Variants in ITSN1 observed in about 807,000 individuals in gnomAD.
ITSN1 encodes intersectin-1.
A neutral mutation model predicts 239.8 loss-of-function variants in ITSN1; 58 were observed. The ratio of observed to expected loss-of-function variants is 0.24; its 90% CI spans 0.20 to 0.30. The LOEUF (loss-of-function observed/expected upper bound fraction) is 0.30. Ranked by LOEUF, ITSN1 falls within the 10% of genes least tolerant of loss-of-function variation. ITSN1 has a pLI of 1.00. For missense variants in ITSN1, 1,558 were observed against 2,103.3 expected, an observed-to-expected ratio of 0.74 and a Z score of 5.07; for synonymous variants, 780 against 770.8, an observed-to-expected ratio of 1.01 and a Z score of -0.20.
At chr21:33,728,913 T>C (rs1362401639) in intron 4 of ITSN1, among the ~76,000 whole-genome samples, 1 of 151,932 alleles carries the variant, frequency 6.6e-6, no homozygotes, top group Admixed American at 6.6e-5. Context: ...GGTTTTTGAA[T>C]GAATGAGAAT....
At chr21:33,808,111 C>T (rs1479442723) in intron 20 of ITSN1, among the ~76,000 whole-genome samples, 9 of 151,304 alleles carry the variant, frequency 5.9e-5, no homozygotes, top group Non-Finnish European at 1.2e-4. Flanking sequence ...GGCATGAACC[C>T]GGGAAGCGGA....
intron 1 of ITSN1, among the ~76,000 whole-genome samples, chr21:33,669,449 T>A (rs918080518): frequency 6.6e-6 from 1 of 150,546 alleles, no homozygotes; most frequent in Admixed American, 6.6e-5. Flanking sequence ...TAAGTTTTTT[T>A]TTTTTTTTGA....
chr21:33,796,171 T>G (rs2071547063), intron 17 of ITSN1, among the ~76,000 whole-genome samples: 1 of 151,868 alleles, frequency 6.6e-6, no homozygotes, highest in Non-Finnish European at 1.5e-5. Flanking sequence ...ACCATGTTGG[T>G]CTAGAACTCC....
chr21:33,665,684 C>A (rs2089885587), intron 1 of ITSN1, among the ~76,000 whole-genome samples: 1 of 152,164 alleles, frequency 6.6e-6, no homozygotes, highest in Non-Finnish European at 1.5e-5. Context: ...ACATAATATT[C>A]ATAGCAGCAT....
At chr21:33,845,270 C>T (rs1204438452) in intron 29 of ITSN1, among the ~76,000 whole-genome samples, 1 of 151,824 alleles carries the variant, frequency 6.6e-6, no homozygotes, top group Non-Finnish European at 1.5e-5. Flanking sequence ...GCGGGGGAGG[C>T]ACGTCCAAAG....
At chr21:33,748,494 A>G (rs1017130285) in intron 5 of ITSN1, among the ~76,000 whole-genome samples, 2 of 152,060 alleles carry the variant, frequency 1.3e-5, no homozygotes, top group African/African-American at 2.4e-5. Flanking sequence ...TTATTATGTA[A>G]TAATACTCTT....
chr21:33,826,606 C>G (rs1199526451), intron 25 of ITSN1, among the ~76,000 whole-genome samples: 2 of 152,114 alleles, frequency 1.3e-5, no homozygotes, highest in Admixed American at 6.5e-5. Context: ...GTTTTTTTCT[C>G]TTATAGAAAT....
intron 16 of ITSN1, among the ~76,000 whole-genome samples, chr21:33,793,753 G>C (rs1400072767): frequency 6.6e-6 from 1 of 152,154 alleles, no homozygotes; most frequent in Non-Finnish European, 1.5e-5. Flanking sequence ...GCGACTTGAA[G>C]GATAGATTTA....
At chr21:33,869,409 AGC>A (rs888130167) in intron 33 of ITSN1, among the ~76,000 whole-genome samples, 1 of 152,248 alleles carries the variant, frequency 6.6e-6, no homozygotes, top group African/African-American at 2.4e-5. Flanking sequence ...GGATGGGGGA[AGC>A]CACCCCAACG....
At chr21:33,788,594 G>T (rs2070852634) in intron 16 of ITSN1, among the ~76,000 whole-genome samples, 1 of 152,128 alleles carries the variant, frequency 6.6e-6, no homozygotes, top group Admixed American at 6.5e-5. Context: ...GGCTGGGTGT[G>T]GTGGCATGCA....
At chr21:33,838,838 C>G (rs1346427659) in intron 29 of ITSN1, among the ~76,000 whole-genome samples, 1 of 152,164 alleles carries the variant, frequency 6.6e-6, no homozygotes, top group Non-Finnish European at 1.5e-5. Flanking sequence ...GGGTACAAAC[C>G]ATTTGTCCAA....
At chr21:33,871,130 CA>C (rs748935209) in intron 33 of ITSN1, among the ~76,000 whole-genome samples, 3 of 132,852 alleles carry the variant, frequency 2.3e-5, no homozygotes, top group African/African-American at 2.8e-5. Flanking sequence ...GACTCTGTCT[CA>C]AAAAAAAAAC....
chr21:33,870,268 A>G (rs1227125659), intron 33 of ITSN1, among the ~76,000 whole-genome samples: 3 of 152,144 alleles, frequency 2.0e-5, no homozygotes, highest in South Asian at 2.1e-4. Context: ...TTTTCTCCCA[A>G]TGTTTAATTG....
intron 1 of ITSN1, among the ~76,000 whole-genome samples, chr21:33,700,741 G>C (rs1021753901): frequency 1.3e-5 from 2 of 151,994 alleles, no homozygotes; most frequent in Non-Finnish European, 2.9e-5. Context: ...GTCACTAATT[G>C]TTTGGGCCCA....
intron 1 of ITSN1, among the ~76,000 whole-genome samples, chr21:33,710,589 G>T (rs1031218805): frequency 6.6e-6 from 1 of 151,724 alleles, no homozygotes; most frequent in Non-Finnish European, 1.5e-5. Context: ...TTTTGTGAAT[G>T]ATTTTTGTAT....
intron 1 of ITSN1, among the ~76,000 whole-genome samples, chr21:33,690,447 A>G (rs1181187527): frequency 6.6e-6 from 1 of 150,966 alleles, no homozygotes; most frequent in African/African-American, 2.4e-5. Context: ...AAAAATAGAA[A>G]AAAGTAGCCG....
At chr21:33,777,866 T>C (rs987438436) in intron 14 of ITSN1, among the ~76,000 whole-genome samples, 11 of 152,192 alleles carry the variant, frequency 7.2e-5, no homozygotes, top group Non-Finnish European at 1.6e-4. Flanking sequence ...AAGAGCCTTG[T>C]TCCCTCTCGA....
intron 29 of ITSN1, among the ~76,000 whole-genome samples, chr21:33,854,878 A>G (rs755193213): frequency 6.6e-6 from 1 of 152,126 alleles, no homozygotes; most frequent in Non-Finnish European, 1.5e-5. Flanking sequence ...TGTTGATATA[A>G]TGATGACTCA....
intron 16 of ITSN1, among the ~76,000 whole-genome samples, chr21:33,782,507 C>T (rs766959420): frequency 6.6e-6 from 1 of 152,086 alleles, no homozygotes; most frequent in Non-Finnish European, 1.5e-5. Flanking sequence ...ATCTTCATTG[C>T]GCTTAAATGT....
Sources: gnomAD v4.1 joint callset for allele counts (sites outside exome capture counted in the v4.1 genomes callset) on GRCh38, gnomAD v4.1.1 for gene constraint, MANE v1.5 for transcripts, NCBI Gene and HGNC (gene_info 2026-07-23, HGNC 2026-07-21) for gene names.